SRRM3: variants seen among roughly 807,000 people sequenced by gnomAD.
The protein encoded by SRRM3 is serine/arginine repetitive matrix 3.
In SRRM3, 27 loss-of-function variants were observed where a neutral mutation model predicts 66.2. The observed-to-expected ratio is 0.41, with a 90% CI of 0.30 to 0.56. The LOEUF is 0.56. Ranked by LOEUF, SRRM3 falls within the 20% of genes least tolerant of loss-of-function variation. The pLI is 0.32. For missense variants in SRRM3, 918 were observed against 991.9 expected (o/e 0.93, Z 1.00); for synonymous variants, 391 against 414.9 (o/e 0.94, Z 0.70).
chr7:76,220,786 C>T (rs1800690638), intron 1 of SRRM3, among the ~76,000 whole-genome samples: 1 of 152,222 alleles, frequency 6.6e-6, no homozygotes. Context: ...CACCCCCAGC[C>T]AGCCCCAGCC....
intron 2 of SRRM3, among the ~76,000 whole-genome samples, chr7:76,238,559 G>T (rs1241376876): frequency 1.3e-5 from 2 of 152,032 alleles, no homozygotes; most frequent in African/African-American, 4.8e-5. Context: ...CAATCACCGC[G>T]GGGCGGGACG....
rs1802635831 is a variant in SRRM3 at position 76,285,359 on chromosome 7, C to T, written c.1734-256C>T. ...GATTACAGGCGTGAGCCACCGCGCC[C>T]AGCCTCAACAAGTATTTATTAGCAG... On this transcript the variant is annotated intron_variant, in intron 14 of 14. Coordinates refer to ENST00000611745, the MANE Select transcript of SRRM3 (RefSeq NM_001110199.3). The surrounding 1 kb of genome is among the most constrained non-coding windows in gnomAD (Gnocchi z 4.1). The T allele has an allele frequency of 1.9e-6, 1 of 515,234 alleles. No individual in the cohort carries two copies. The allele number at this position is 515,234 out of a possible 1,614,324, so 31.9% of individuals were successfully genotyped here. A position where few individuals can be genotyped will look rare whatever the true frequency, so the allele number is the denominator to read the frequency against.
intron 1 of SRRM3, among the ~76,000 whole-genome samples, chr7:76,233,839 CTG>C (rs1350525332): frequency 2.0e-5 from 3 of 152,138 alleles, no homozygotes; most frequent in African/African-American, 7.2e-5. Context: ...TTCATCACCG[CTG>C]TTGCCTCCTG....
chr7:76,281,402 C>T, intron 11 of SRRM3, 39 bp from the exon 12 acceptor site: 1 of 1,206,316 alleles, frequency 8.3e-7, no homozygotes, highest in Non-Finnish European at 1.0e-6. Context: ...TCGTCTCCCT[C>T]TCCCCCCTCC....
At chr7:76,255,148 C>CATTTTTTT (rs1801679628) in intron 3 of SRRM3, among the ~76,000 whole-genome samples, 2 of 83,178 alleles carry the variant, frequency 2.4e-5, no homozygotes. Flanking sequence ...TTCTTTCTTT[C>CATTTTTTT]TTTTTTTTTT....
intron 2 of SRRM3, among the ~76,000 whole-genome samples, chr7:76,245,171 A>G (rs6465049): frequency 0.31 from 47,578 of 152,160 alleles, 8,332 homozygotes; most frequent in East Asian, 0.6. Flanking sequence ...GGTAGACCTG[A>G]AAGTTAATGT....
intron 3 of SRRM3, among the ~76,000 whole-genome samples, chr7:76,248,801 G>A (rs1554606490): frequency 1.3e-5 from 2 of 151,806 alleles, no homozygotes; most frequent in African/African-American, 2.4e-5. Flanking sequence ...CCAACACGTC[G>A]AAACCCTGTC....
At chr7:76,276,198 TTCACTCACTCAC>T in intron 11 of SRRM3, among the ~76,000 whole-genome samples, 1 of 152,166 alleles carries the variant, frequency 6.6e-6, no homozygotes, top group Non-Finnish European at 1.5e-5. Flanking sequence ...AGGTCCCTGA[TTCACTCACTCAC>T]TCACTCATTC....
intron 3 of SRRM3, among the ~76,000 whole-genome samples, 152 bp from the exon 4 acceptor site, chr7:76,259,754 T>G (rs1411519040): frequency 6.6e-6 from 1 of 152,154 alleles, no homozygotes; most frequent in Non-Finnish European, 1.5e-5. Flanking sequence ...TGCCTAGCCC[T>G]GTAAGGCCAG....
chr7:76,239,166 G>A (rs1801222653), intron 2 of SRRM3, among the ~76,000 whole-genome samples: 1 of 151,758 alleles, frequency 6.6e-6, no homozygotes, highest in Admixed American at 6.6e-5. Context: ...CCGAGTAGCT[G>A]GGACTATAGG....
chr7:76,214,089 T>C (rs1253880209), intron 1 of SRRM3, among the ~76,000 whole-genome samples: 4 of 152,066 alleles, frequency 2.6e-5, no homozygotes, highest in Non-Finnish European at 5.9e-5. Context: ...TCTCTGGGAT[T>C]TTAGGGTGGA....
At chr7:76,237,087 G>A (rs1554605049) in intron 2 of SRRM3, among the ~76,000 whole-genome samples, 1 of 152,054 alleles carries the variant, frequency 6.6e-6, no homozygotes, top group East Asian at 1.9e-4. Flanking sequence ...CCAACATGGT[G>A]AAACCCCATC....
rs1802628268 is a variant in SRRM3 at position 76,285,152 on chromosome 7, C to T, written c.1734-463C>T. ...AATCTCCACTCACTGCAGCCTCCGC[C>T]TCTGGGGTTCAAGCGATCCTCCCAC... is the stretch of plus-strand genomic sequence containing the variant. On this transcript the variant is annotated intron_variant, in intron 14 of 14. Transcript: ENST00000611745. This position sits in a 1 kb window ranked among gnomAD's most constrained non-coding sequence, Gnocchi z 4.1. 6.2e-6 allele frequency: 1 copy of T among 161,896 alleles called. No homozygotes were observed. The highest frequency in any genetic ancestry group is 2.4e-5 in the African/African-American group (1 of 41,530). 10.0% of individuals were successfully genotyped at this position (161,896 alleles called of 1,614,324 possible).
intron 1 of SRRM3, among the ~76,000 whole-genome samples, chr7:76,209,698 G>A (rs1554601538): frequency 6.6e-6 from 1 of 151,446 alleles, no homozygotes; most frequent in South Asian, 2.1e-4. Flanking sequence ...TCCAACTCCT[G>A]GGCTCAAGAT....
intron 14 of SRRM3, among the ~76,000 whole-genome samples, chr7:76,284,778 C>CT (rs1229195809): frequency 2.6e-5 from 4 of 152,224 alleles, no homozygotes; most frequent in Non-Finnish European, 5.9e-5. Context: ...CCCTTAACCT[C>CT]TCTTTTCTCT....
intron 1 of SRRM3, among the ~76,000 whole-genome samples, chr7:76,229,798 C>T (rs1800968421): frequency 6.9e-6 from 1 of 145,858 alleles, no homozygotes; most frequent in Non-Finnish European, 1.5e-5. Context: ...GGCTGGAGTG[C>T]AGTGGTGCGA....
At chr7:76,222,101 TTAAGGGCC>T (rs1800738940) in intron 1 of SRRM3, among the ~76,000 whole-genome samples, 1 of 152,116 alleles carries the variant, frequency 6.6e-6, no homozygotes, top group Non-Finnish European at 1.5e-5. Context: ...CAGTTATCCT[TTAAGGGCC>T]TGAGGGCATC....
intron 1 of SRRM3, among the ~76,000 whole-genome samples, chr7:76,202,351 C>T (rs1285942067): frequency 2.0e-5 from 3 of 152,140 alleles, no homozygotes; most frequent in African/African-American, 7.2e-5. Flanking sequence ...GCCAGGGAGG[C>T]CCCCCAACCG....
chr7:76,235,462 C>T (rs1801121690), intron 2 of SRRM3, among the ~76,000 whole-genome samples, 163 bp downstream of exon 2: 1 of 152,140 alleles, frequency 6.6e-6, no homozygotes, highest in Non-Finnish European at 1.5e-5. Flanking sequence ...ACCCAAGAGC[C>T]TTGTCCAGAC....
Sources: allele counts gnomAD v4.1 joint callset (sites outside exome capture counted in the v4.1 genomes callset), GRCh38; gene constraint gnomAD v4.1.1; non-coding constraint Gnocchi (gnomAD v3.1); transcripts MANE v1.5; gene names NCBI Gene and HGNC (gene_info 2026-07-23, HGNC 2026-07-21).